Variants in MFN1 observed in about 807,000 individuals in gnomAD.
The protein encoded by MFN1 is mitofusin 1, also known as mitofusin-1.
MFN1 carries 65 observed loss-of-function variants against 92.4 expected under a neutral mutation model. That is an observed-to-expected ratio of 0.70 (90% CI 0.58 to 0.86). The LOEUF is 0.86. MFN1 is among the 40% of genes least tolerant of loss of function. MFN1 has a pLI of 0.00. For synonymous variants in MFN1, 297 were observed against 300.9 expected (o/e 0.99, Z 0.13); for missense variants, 781 against 868.0 (o/e 0.90, Z 1.26).
intron 17 of MFN1, 83 bp downstream of exon 17, chr3:179,390,221 C>T: frequency 8.7e-7 from 1 of 1,154,724 alleles, no homozygotes; most frequent in South Asian, 2.2e-5. Flanking sequence ...AATTTGTATT[C>T]ATTCCTAATA....
At chr3:179,380,969 T>A (rs1713443343) in intron 14 of MFN1, among the ~76,000 whole-genome samples, 1 of 152,142 alleles carries the variant, frequency 6.6e-6, no homozygotes, top group Non-Finnish European at 1.5e-5. Context: ...ATCTTCAGAG[T>A]CCATCCGTAA....
At position 179,391,984 on chromosome 3, in the gene MFN1, T is replaced by G; in HGVS notation, c.2151T>G (p.Asn717Lys). Reference protein sequence around the residue: ...KIQNNSKLLRNKAVQLENELE... With the variant: ...KIQNNSKLLRKKAVQLENELE... ...GGTGTTTTATTTTTTTAATTAGAAA[T>G]AAAGCTGTTCAACTTGAAAATGAGC... Residue 717 changes from asparagine to lysine, a missense_variant, in exon 18 of 18, where the codon AAT becomes AAG. Physicochemically the swap from Asn to Lys is moderately conservative, Grantham distance 94 (BLOSUM62 0). Coordinates refer to ENST00000471841, the MANE Select transcript of MFN1 (RefSeq NM_033540.3). 1 of 1,593,138 alleles carries G rather than the reference T, an allele frequency of 6.3e-7. No homozygotes were observed. Among genetic ancestry groups the G allele is most frequent in the Non-Finnish European group, 8.6e-7 (1 of 1,162,134 alleles).
At chr3:179,354,778 G>T (rs1712284076) in intron 3 of MFN1, among the ~76,000 whole-genome samples, 1 of 152,068 alleles carries the variant, frequency 6.6e-6, no homozygotes, top group Non-Finnish European at 1.5e-5. Context: ...AGAACTGAGG[G>T]TTGGTACCTG....
At chr3:179,376,203 C>T (rs1713234097) in intron 10 of MFN1, among the ~76,000 whole-genome samples, 1 of 152,118 alleles carries the variant, frequency 6.6e-6, no homozygotes, top group Admixed American at 6.6e-5. Context: ...AGAGAATTGC[C>T]AGCATATAAA....
chr3:179,352,133 G>C (rs182181350), intron 3 of MFN1, 98 bp downstream of exon 3: 53 of 1,259,244 alleles, frequency 4.2e-5, no homozygotes, highest in Admixed American at 1.1e-4. Context: ...CCCCAGCCCC[G>C]CAAGTTTCTG....
chr3:179,382,267 T>A (rs935528169), intron 14 of MFN1, among the ~76,000 whole-genome samples: 1 of 152,138 alleles, frequency 6.6e-6, no homozygotes, highest in Non-Finnish European at 1.5e-5. Context: ...TTCCCCTTCC[T>A]GTGTCCAAGT....
chr3:179,388,180 C>T (rs907397977), intron 16 of MFN1, among the ~76,000 whole-genome samples: 10 of 152,082 alleles, frequency 6.6e-5, no homozygotes, highest in Non-Finnish European at 1.0e-4. Flanking sequence ...TGAGCCACCG[C>T]GCCCAGCCAG....
Position 179,377,044 on chromosome 3 carries a change from A to G in MFN1, c.1100A>G (p.His367Arg). The change falls in exon 11 of 18, where the codon CAT becomes CGT. Residue 367 changes from histidine to arginine, a missense_variant and splice_region_variant. By Grantham distance (29) the His-to-Arg change is conservative (BLOSUM62 0). Transcript: ENST00000471841. ...GATTACTCTTTATACTGAAATAGGCATTATTCAGTGGAAGAGAGGGAAGAC... is the reference window on the plus strand; with the variant it reads ...GATTACTCTTTATACTGAAATAGGCGTTATTCAGTGGAAGAGAGGGAAGAC... Reference protein sequence around the residue: ...SVNLAAEDKRHYSVEEREDQI... With the variant: ...SVNLAAEDKRRYSVEEREDQI... 2 of 1,613,594 alleles carry G rather than the reference A, an allele frequency of 1.2e-6. No homozygotes were observed. The highest frequency in any genetic ancestry group is 1.7e-6 in the Non-Finnish European group (2 of 1,179,772).
At chr3:179,349,243 CATCT>C (rs1560187935) in intron 2 of MFN1, among the ~76,000 whole-genome samples, 1 of 152,106 alleles carries the variant, frequency 6.6e-6, no homozygotes, top group Non-Finnish European at 1.5e-5. Context: ...TCATCACCAC[CATCT>C]GTCATTTTAA....
rs534713694 is a variant in MFN1 at position 179,388,383 on chromosome 3, A to G, written c.2013-1621A>G. 2.0e-5 allele frequency among the ~76,000 whole-genome samples: 3 copies of G among 152,320 alleles called. No homozygotes were observed. The East Asian group carries it at 5.8e-4, about 29-fold the overall frequency. ...ATACGTTAAATGCTATTTTATTTTT[A>G]GATCTCAGGAGAATTTTATTATAAC... On this transcript the variant is annotated intron_variant, in intron 16 of 17. Transcript: ENST00000471841.
chr3:179,375,137 C>A (rs1223734341), intron 9 of MFN1, 83 bp from the exon 10 acceptor site: 1 of 1,399,300 alleles, frequency 7.1e-7, no homozygotes, highest in Non-Finnish European at 9.4e-7. Context: ...GTTAAAGTTA[C>A]AAACAGCAAG....
Position 179,367,350 on chromosome 3 carries a change from CTG to C in MFN1, c.754-86_754-85del, listed in dbSNP as rs1342352253. 6 of 1,091,364 alleles carry C rather than the reference CTG, an allele frequency of 5.5e-6. No individual in the cohort carries two copies. The East Asian group carries it at 1.7e-4, about 31-fold the overall frequency. The allele number at this position is 1,091,364 out of a possible 1,614,324, so 67.6% of individuals were successfully genotyped here. On this transcript the variant is annotated intron_variant, in intron 7 of 17. Transcript: ENST00000471841. Reference sequence around the variant, plus strand: ...TTATATGGTAACTTTTATTATATCACTGTGAATAAAGTAAGTATTGGTCTATA... The same window carrying C: ...TTATATGGTAACTTTTATTATATCACTGAATAAAGTAAGTATTGGTCTATA...
In MFN1 at chr3:179,390,092, G is replaced by T. The variant is rs1410890999; in HGVS notation, c.2101G>T (p.Glu701Ter). Residue 701 changes from glutamate (E) to a stop codon, truncating the protein, a stop_gained, in exon 17 of 18, where the codon GAA becomes TAA. Coordinates refer to ENST00000471841, the MANE Select transcript of MFN1 (RefSeq NM_033540.3). LOFTEE classifies it high-confidence loss of function. ...LEEEIARLPK[E>*]IDQLEKIQNN... Reference sequence around the variant, plus strand: ...AGAAGAAATTGCTAGATTACCCAAAGAAATAGATCAGTTGGAGAAAATACA... The same window carrying T: ...AGAAGAAATTGCTAGATTACCCAAATAAATAGATCAGTTGGAGAAAATACA... The T allele has an allele frequency of 1.2e-6, 2 of 1,605,258 alleles. No homozygotes were observed. Among genetic ancestry groups the T allele is most frequent in the Non-Finnish European group, 1.7e-6 (2 of 1,177,328 alleles).
chr3:179,352,913 G>A (rs1712204998), intron 3 of MFN1, among the ~76,000 whole-genome samples: 1 of 151,404 alleles, frequency 6.6e-6, no homozygotes, highest in African/African-American at 2.4e-5. Context: ...CACCATACCT[G>A]GCTAATTTTT....
Position 179,361,135 on chromosome 3 carries a change from C to G in MFN1, c.412-1223C>G, listed in dbSNP as rs538712318. 3.9e-5 allele frequency among the ~76,000 whole-genome samples: 6 copies of G among 152,234 alleles called. No homozygotes were observed. In the South Asian group the frequency reaches 1.2e-3, roughly 32 times the overall value. ...CTCGAAAAGAAAAGAAAATACTAAT[C>G]AAGCTTTTAATTCATATAAATGAAG... On this transcript the variant is annotated intron_variant, in intron 4 of 17. Transcript: ENST00000471841.
intron 3 of MFN1, 47 bp from the exon 4 acceptor site, chr3:179,358,793 T>C (rs1181934652): frequency 6.4e-7 from 1 of 1,557,748 alleles, no homozygotes; most frequent in South Asian, 1.2e-5. Flanking sequence ...AAGAACTACT[T>C]TTTTTACTGT....
At chr3:179,357,454 A>G (rs184742830) in intron 3 of MFN1, among the ~76,000 whole-genome samples, 108 of 152,330 alleles carry the variant, frequency 7.1e-4, no homozygotes, top group African/African-American at 2.4e-3. Flanking sequence ...GTATATTGGC[A>G]ATAGAAGCCA....
intron 3 of MFN1, 54 bp downstream of exon 3, chr3:179,352,089 T>G: frequency 6.6e-7 from 1 of 1,514,572 alleles, no homozygotes; most frequent in South Asian, 1.3e-5. Context: ...GCTTTGTGTC[T>G]GATGTTTCAA....
chr3:179,360,477 C>CTT (rs1263705838), intron 4 of MFN1, among the ~76,000 whole-genome samples: 1 of 151,600 alleles, frequency 6.6e-6, no homozygotes, highest in Non-Finnish European at 1.5e-5. Context: ...AATATTTTAA[C>CTT]TTTATCAGAT....
Sources: gnomAD v4.1 joint callset for allele counts (sites outside exome capture counted in the v4.1 genomes callset) on GRCh38, gnomAD v4.1.1 for gene constraint, MANE v1.5 for transcripts, NCBI Gene and HGNC (gene_info 2026-07-23, HGNC 2026-07-21) for gene names.